Variants in CHODL observed in about 807,000 individuals in gnomAD.
CHODL encodes the protein chondrolectin.
CHODL carries 29 observed loss-of-function variants against 34.5 expected under a neutral mutation model. That is an observed-to-expected ratio of 0.84 (90% CI 0.63 to 1.15). The LOEUF (loss-of-function observed/expected upper bound fraction) is 1.15, where lower values mean the gene tolerates loss of function less well. Ranked by LOEUF, CHODL falls within the 50% of genes most tolerant of loss-of-function variation. The probability of loss-of-function intolerance (pLI) is 0.00; values close to 1 mark genes in which losing one functional copy is unlikely to be tolerated. For missense variants in CHODL, 332 were observed against 332.5 expected, an observed-to-expected ratio of 1.00 and a Z score of 0.01; for synonymous variants, 125 against 116.1, an observed-to-expected ratio of 1.08 and a Z score of -0.49.
At chr21:17,992,600 C>A (rs900723251) in intron 1 of CHODL, among the ~76,000 whole-genome samples, 1 of 148,064 alleles carries the variant, frequency 6.8e-6, no homozygotes, top group Non-Finnish European at 1.5e-5. Context: ...TTCTTGATGT[C>A]TTTTTTTAGA....
At chr21:18,179,001 G>T (rs551219385) in intron 2 of CHODL, among the ~76,000 whole-genome samples, 2 of 152,112 alleles carry the variant, frequency 1.3e-5, no homozygotes, top group African/African-American at 4.8e-5. Flanking sequence ...CTTGTTTCTT[G>T]CCAGTTTTCC....
intron 1 of CHODL, among the ~76,000 whole-genome samples, chr21:17,939,217 G>T (rs2063344284): frequency 6.6e-6 from 1 of 152,104 alleles, no homozygotes; most frequent in South Asian, 2.1e-4. Flanking sequence ...CTTTATGCCT[G>T]CTGATTAGTA....
At chr21:18,214,542 G>C (rs1295415495) in intron 2 of CHODL, among the ~76,000 whole-genome samples, 1 of 151,886 alleles carries the variant, frequency 6.6e-6, no homozygotes, top group Non-Finnish European at 1.5e-5. Context: ...TCTTCAGAGA[G>C]ATTTTTTGCC....
chr21:18,019,004 G>A (rs1310403858), intron 1 of CHODL, among the ~76,000 whole-genome samples: 2 of 152,124 alleles, frequency 1.3e-5, no homozygotes, highest in African/African-American at 4.8e-5. Flanking sequence ...CACTTGTTAA[G>A]TTCATGACTT....
rs2074464389 is a variant in CHODL, at chr21:18,266,521, T to C, written c.*483T>C. ...TCTCATTTTTCAATACATGCTCTTT[T>C]GATTAAAGAAACTTATTACTGTTGT... On this transcript the variant is annotated 3_prime_UTR_variant, in exon 6 of 6. Transcript: ENST00000299295. 1 of 159,920 alleles carries C rather than the reference T, an allele frequency of 6.3e-6. No homozygotes were observed. The highest frequency in any genetic ancestry group is 6.3e-5 in the Admixed American group (1 of 15,940). 9.9% of individuals were successfully genotyped at this position (159,920 alleles called of 1,614,324 possible). A position where few individuals can be genotyped will look rare whatever the true frequency, so the allele number is the denominator to read the frequency against.
intron 2 of CHODL, among the ~76,000 whole-genome samples, chr21:18,091,840 A>G (rs1299116677): frequency 3.3e-5 from 5 of 152,196 alleles, no homozygotes; most frequent in Non-Finnish European, 5.9e-5. Context: ...AGTGGTGGTG[A>G]TGGCCACAGG....
chr21:18,218,404 G>T (rs186157527), intron 2 of CHODL, among the ~76,000 whole-genome samples: 15 of 152,328 alleles, frequency 9.8e-5, no homozygotes, highest in Admixed American at 8.5e-4. Flanking sequence ...TTCAGCCACA[G>T]CTTGAGTGGC....
rs368915072 is a variant in CHODL, at chr21:18,074,014, CAG to C, written c.-45+46045_-45+46046del. ...TGCATCACTTAGACATGGAATTAAA[CAG>C]ATGTGTGAGCTGAAATGTCGAAAGA... is the stretch of plus-strand genomic sequence containing the variant. On this transcript the variant is annotated intron_variant, in intron 2 of 6. Coordinates refer to the CHODL transcript ENST00000400127. 4.3e-3 allele frequency among the ~76,000 whole-genome samples: 659 copies of C among 152,078 alleles called. 5 individuals are homozygous for C. The highest frequency in any genetic ancestry group is 0.015 in the African/African-American group (604 of 41,520).
chr21:18,262,764 T>A, intron 4 of CHODL, 27 bp from the exon 5 acceptor site: 1 of 1,265,640 alleles, frequency 7.9e-7, no homozygotes, highest in Non-Finnish European at 1.1e-6. Flanking sequence ...AACTATCTTT[T>A]CACATGAAGA....
At chr21:18,152,877 C>T (rs1316654019) in intron 2 of CHODL, among the ~76,000 whole-genome samples, 1 of 152,142 alleles carries the variant, frequency 6.6e-6, no homozygotes, top group Non-Finnish European at 1.5e-5. Flanking sequence ...AATAAATCTT[C>T]TGACAGAAGT....
chr21:17,970,446 C>T (rs923556721), intron 1 of CHODL, among the ~76,000 whole-genome samples: 4 of 152,104 alleles, frequency 2.6e-5, no homozygotes, highest in Admixed American at 6.5e-5. Flanking sequence ...CCATTCATTT[C>T]ATGAATGATG....
At chr21:17,995,504 G>A (rs1274838822) in intron 1 of CHODL, among the ~76,000 whole-genome samples, 2 of 152,162 alleles carry the variant, frequency 1.3e-5, no homozygotes, top group African/African-American at 4.8e-5. Flanking sequence ...GAATTCCAGT[G>A]TTCTCTCTCA....
intron 1 of CHODL, among the ~76,000 whole-genome samples, chr21:17,923,525 A>C (rs7278006): frequency 6.7e-6 from 1 of 149,958 alleles, no homozygotes; most frequent in East Asian, 2.0e-4. Context: ...GTGGGGTCAC[A>C]ATCTCGGCTC....
chr21:18,259,613 AGTGTT>A (rs2074356994), intron 3 of CHODL, among the ~76,000 whole-genome samples: 1 of 152,198 alleles, frequency 6.6e-6, no homozygotes, highest in African/African-American at 2.4e-5. Flanking sequence ...GCTTTAATTT[AGTGTT>A]ATTATTATTA....
At chr21:18,144,182 G>T (rs1344362747) in intron 2 of CHODL, among the ~76,000 whole-genome samples, 1 of 151,786 alleles carries the variant, frequency 6.6e-6, no homozygotes, top group Non-Finnish European at 1.5e-5. Flanking sequence ...AAATTTCTGG[G>T]GTCATTTATT....
chr21:17,975,556 C>T (rs1443000537), intron 1 of CHODL, among the ~76,000 whole-genome samples: 2 of 152,158 alleles, frequency 1.3e-5, no homozygotes, highest in Non-Finnish European at 1.5e-5. Context: ...TCCTCACACA[C>T]GCCACATTCC....
intron 1 of CHODL, among the ~76,000 whole-genome samples, chr21:17,946,998 C>T (rs28498962): frequency 0.05 from 7,658 of 151,930 alleles, 492 homozygotes; most frequent in African/African-American, 0.15. Context: ...TGATTTCTTG[C>T]TTTTTATTTT....
intron 2 of CHODL, among the ~76,000 whole-genome samples, chr21:18,054,679 T>C (rs1361454741): frequency 6.6e-6 from 1 of 151,874 alleles, no homozygotes; most frequent in East Asian, 1.9e-4. Context: ...GTTTTTGAGA[T>C]CTGGAGAGTG....
chr21:18,115,813 T>C (rs2065405591), intron 2 of CHODL, among the ~76,000 whole-genome samples: 1 of 152,194 alleles, frequency 6.6e-6, no homozygotes. Flanking sequence ...GTATCCTGCT[T>C]CATCTTCTAC....
Sources: gnomAD v4.1 joint callset for allele counts (sites outside exome capture counted in the v4.1 genomes callset) on GRCh38, gnomAD v4.1.1 for gene constraint, MANE v1.5 for transcripts, NCBI Gene and HGNC (gene_info 2026-07-23, HGNC 2026-07-21) for gene names.